Variants in LHFPL2 observed in about 807,000 individuals in gnomAD.
LHFPL2 encodes the protein LHFPL tetraspan subfamily member 2.
A neutral mutation model predicts 17.5 loss-of-function variants in LHFPL2; 7 were observed. That is an observed-to-expected ratio of 0.40 (90% confidence interval 0.23 to 0.75). LHFPL2 has a LOEUF of 0.75. Among genes scored for constraint, LHFPL2 ranks in the 30% least tolerant of loss-of-function variants. The pLI, the probability that LHFPL2 is intolerant of heterozygous loss-of-function variation, is 0.37. For synonymous variants in LHFPL2, 134 were observed against 116.2 expected (o/e 1.15, Z -0.99); for missense variants, 241 against 294.8 (o/e 0.82, Z 1.34).
At chr5:78,613,787 G>C (rs1029831526) in intron 2 of LHFPL2, among the ~76,000 whole-genome samples, 2 of 152,172 alleles carry the variant, frequency 1.3e-5, no homozygotes, top group East Asian at 1.9e-4. Context: ...CCAAAATCCA[G>C]CTCTACCACT....
In LHFPL2 at chr5:78,607,586, C is replaced by T. The variant is rs188557776; in HGVS notation, c.-245+24678G>A. Among the ~76,000 whole-genome samples the T allele has an allele frequency of 1.9e-3, 295 of 152,322 alleles. 2 individuals carry two copies. Among genetic ancestry groups the T allele is most frequent in the Non-Finnish European group, 3.1e-3 (213 of 68,026 alleles). The stretch of plus-strand genomic sequence containing the variant: ...AGTTACCCCCATCCAGTTGGTTCCA[C>T]CTCTCATTCCTGTTTTATCCTAGAC... On this transcript the variant is annotated intron_variant, in intron 2 of 4. Transcript: ENST00000380345.
intron 2 of LHFPL2, among the ~76,000 whole-genome samples, chr5:78,607,485 T>C (rs996034291): frequency 6.6e-6 from 1 of 152,238 alleles, no homozygotes; most frequent in Middle Eastern, 3.2e-3. Flanking sequence ...TAAAAATAAG[T>C]TATGATCTAA....
At chr5:78,510,546 T>C in intron 3 of LHFPL2, 148 bp from the exon 4 acceptor site, 1 of 329,052 alleles carries the variant, frequency 3.0e-6, no homozygotes, top group Non-Finnish European at 5.6e-6. Context: ...GTTGTTGCAC[T>C]GGCTGCGTTT....
At chr5:78,498,271 G>T (rs960691860) in intron 4 of LHFPL2, among the ~76,000 whole-genome samples, 2 of 152,162 alleles carry the variant, frequency 1.3e-5, no homozygotes, top group Admixed American at 1.3e-4. Flanking sequence ...TCAGGGTGGG[G>T]GTGTGTTTTT....
At chr5:78,554,239 C>G (rs974777430) in intron 3 of LHFPL2, among the ~76,000 whole-genome samples, 3 of 152,266 alleles carry the variant, frequency 2.0e-5, no homozygotes, top group Non-Finnish European at 2.9e-5. Context: ...CACACGCTTA[C>G]AGCGAGCACC....
chr5:78,569,934 C>A (rs1044871822), intron 2 of LHFPL2, among the ~76,000 whole-genome samples: 1 of 152,160 alleles, frequency 6.6e-6, no homozygotes, highest in African/African-American at 2.4e-5. Flanking sequence ...AACAGAATAG[C>A]CTATAACGTG....
intron 3 of LHFPL2, among the ~76,000 whole-genome samples, chr5:78,527,001 A>C (rs981786298): frequency 6.6e-6 from 1 of 152,236 alleles, no homozygotes; most frequent in African/African-American, 2.4e-5. Context: ...ACAGGCAACA[A>C]ATACAGAGTT....
chr5:78,620,332 C>T (rs4447966), intron 2 of LHFPL2, among the ~76,000 whole-genome samples: 3 of 151,576 alleles, frequency 2.0e-5, no homozygotes, highest in African/African-American at 4.9e-5. Context: ...TCATGTCCTT[C>T]GCCCATTTTT....
chr5:78,594,380 G>A (rs575295383), intron 2 of LHFPL2, among the ~76,000 whole-genome samples: 1 of 152,314 alleles, frequency 6.6e-6, no homozygotes, highest in South Asian at 2.1e-4. Flanking sequence ...GCTATTCACT[G>A]TATCTGTAAT....
chr5:78,509,912 G>A lies in LHFPL2; in HGVS notation c.302C>T (p.Ala101Val). The change falls in exon 4 of 5, where the codon GCT (alanine) becomes GTT (valine). Residue 101 changes from alanine (A) to valine (V), a missense_variant. Ala to Val is a moderately conservative substitution (Grantham distance 64). Coordinates refer to ENST00000380345, the MANE Select transcript of LHFPL2 (RefSeq NM_005779.3). Reference sequence around the variant, plus strand: ...AAAGATTCCCACAGCCAGGAAAATAGCTGTGGCCTGCCAGAAGCCGCTGGC... The same window carrying A: ...AAAGATTCCCACAGCCAGGAAAATAACTGTGGCCTGCCAGAAGCCGCTGGC... ...EIASGFWQAT[A>V]IFLAVGIFIL... 1 of 1,613,538 alleles carries A rather than the reference G, an allele frequency of 6.2e-7. No individual in the cohort carries two copies.
At chr5:78,638,039 C>A (rs993536046) in intron 1 of LHFPL2, among the ~76,000 whole-genome samples, 2 of 152,140 alleles carry the variant, frequency 1.3e-5, no homozygotes, top group African/African-American at 4.8e-5. Context: ...CAACCCAAAG[C>A]CCAGTTTTTA....
At chr5:78,494,293 C>T (rs2112292839) in intron 4 of LHFPL2, 2 of 879,970 alleles carry the variant, frequency 2.3e-6, no homozygotes, top group African/African-American at 1.8e-5. Context: ...GAGAATGACA[C>T]TGGCCAGCCA....
chr5:78,507,763 G>C (rs1754974067), intron 4 of LHFPL2, among the ~76,000 whole-genome samples: 1 of 152,112 alleles, frequency 6.6e-6, no homozygotes, highest in Admixed American at 6.5e-5. Flanking sequence ...AATCATCAAG[G>C]ATGTGCAAAT....
intron 2 of LHFPL2, among the ~76,000 whole-genome samples, chr5:78,578,080 T>A (rs980091387): frequency 6.6e-6 from 1 of 152,200 alleles, no homozygotes; most frequent in African/African-American, 2.4e-5. Context: ...GTTGGCTTGA[T>A]CTCAACTGGC....
chr5:78,513,160 A>G (rs1365473444), intron 3 of LHFPL2, among the ~76,000 whole-genome samples: 1 of 152,174 alleles, frequency 6.6e-6, no homozygotes, highest in Non-Finnish European at 1.5e-5. Context: ...TCGAGTGTCC[A>G]CTGCCCTGGC....
At chr5:78,616,884 A>T (rs1744636422) in intron 2 of LHFPL2, among the ~76,000 whole-genome samples, 1 of 152,232 alleles carries the variant, frequency 6.6e-6, no homozygotes, top group Non-Finnish European at 1.5e-5. Context: ...TTAAGGAGAA[A>T]GATCCCTGCA....
chr5:78,608,510 C>T (rs1379846204), intron 2 of LHFPL2, among the ~76,000 whole-genome samples: 1 of 151,292 alleles, frequency 6.6e-6, no homozygotes, highest in African/African-American at 2.4e-5. Context: ...TCAGGCTATA[C>T]AGTTTTGGTT....
At chr5:78,596,554 T>G (rs1743832533) in intron 2 of LHFPL2, among the ~76,000 whole-genome samples, 1 of 152,226 alleles carries the variant, frequency 6.6e-6, no homozygotes, top group African/African-American at 2.4e-5. Flanking sequence ...TAAAAATGAT[T>G]GACCTTCCTT....
In LHFPL2 at chr5:78,485,998, C is replaced by T. The variant is rs1754225852; in HGVS notation, c.*2899G>A. ...AGAAACAAACATCCCTGTTTTGACT[C>T]CTGTCCAGTTTCCAAAACAAAACAA... On this transcript the variant is annotated 3_prime_UTR_variant, in exon 5 of 5. Coordinates refer to ENST00000380345, the MANE Select transcript of LHFPL2 (RefSeq NM_005779.3). The T allele has an allele frequency of 6.6e-6, 1 of 152,584 alleles. No homozygotes were observed. Among genetic ancestry groups the T allele is most frequent in the Admixed American group, 6.5e-5 (1 of 15,280 alleles). 9.5% of individuals were successfully genotyped at this position (152,584 alleles called of 1,614,324 possible). A position where few individuals can be genotyped will look rare whatever the true frequency, so the allele number is the denominator to read the frequency against.
Sources: allele counts gnomAD v4.1 joint callset (sites outside exome capture counted in the v4.1 genomes callset), GRCh38; gene constraint gnomAD v4.1.1; transcripts MANE v1.5; gene names NCBI Gene and HGNC (gene_info 2026-07-23, HGNC 2026-07-21).